FAM227B: variants seen among roughly 807,000 people sequenced by gnomAD.
FAM227B encodes the protein protein FAM227B.
A neutral mutation model predicts 73.8 loss-of-function variants in FAM227B; 88 were observed. The ratio of observed to expected loss-of-function variants is 1.19; its 90% confidence interval spans 1.00 to 1.42. The LOEUF is 1.42. Ranked by LOEUF, FAM227B falls within the 40% of genes most tolerant of loss-of-function variation. The pLI is 0.00. For synonymous variants in FAM227B, 210 were observed against 190.5 expected, an observed-to-expected ratio of 1.10 and a Z score of -0.84; for missense variants, 632 against 590.9, an observed-to-expected ratio of 1.07 and a Z score of -0.72.
chr15:49,345,049 G>A (rs933207890), intron 13 of FAM227B, among the ~76,000 whole-genome samples: 1 of 152,152 alleles, frequency 6.6e-6, no homozygotes, highest in Non-Finnish European at 1.5e-5. Flanking sequence ...CTTCCTCAGA[G>A]TGCCTGTTAG....
intron 14 of FAM227B, among the ~76,000 whole-genome samples, chr15:49,332,570 A>AGGAT (rs1189043993): frequency 6.6e-6 from 1 of 152,220 alleles, no homozygotes; most frequent in African/African-American, 2.4e-5. Flanking sequence ...TAGGCAAGGA[A>AGGAT]GGATAGAAAC....
intron 9 of FAM227B, among the ~76,000 whole-genome samples, chr15:49,548,121 T>C (rs941883339): frequency 6.6e-6 from 1 of 152,174 alleles, no homozygotes; most frequent in African/African-American, 2.4e-5. Context: ...AACTTTCAGT[T>C]TTTCCCCATT....
chr15:49,401,242 A>G (rs1276694753), intron 11 of FAM227B, among the ~76,000 whole-genome samples: 4 of 152,282 alleles, frequency 2.6e-5, no homozygotes, highest in African/African-American at 7.2e-5. Context: ...CAAAAAACAC[A>G]TGAAAAAATG....
chr15:49,464,796 A>C (rs1449138416), intron 11 of FAM227B, among the ~76,000 whole-genome samples: 1 of 152,342 alleles, frequency 6.6e-6, no homozygotes, highest in Middle Eastern at 3.4e-3. Flanking sequence ...GTGCATCTAC[A>C]TCTGGAAGAC....
chr15:49,460,772 T>C (rs896882579), intron 11 of FAM227B, among the ~76,000 whole-genome samples: 1 of 152,218 alleles, frequency 6.6e-6, no homozygotes, highest in Non-Finnish European at 1.5e-5. Context: ...TTTGGCAATA[T>C]GATTTTCTGT....
intron 11 of FAM227B, among the ~76,000 whole-genome samples, chr15:49,452,197 A>G (rs2052819309): frequency 6.6e-6 from 1 of 152,058 alleles, no homozygotes; most frequent in Non-Finnish European, 1.5e-5. Flanking sequence ...GCATGCTACC[A>G]TGCCCAGCTA....
At chr15:49,504,902 T>A (rs1488668596) in intron 11 of FAM227B, among the ~76,000 whole-genome samples, 1 of 152,172 alleles carries the variant, frequency 6.6e-6, no homozygotes, top group African/African-American at 2.4e-5. Flanking sequence ...TAGATGTTTA[T>A]CAAAGAGAAA....
chr15:49,354,892 T>G (rs1254909525), intron 13 of FAM227B, among the ~76,000 whole-genome samples: 2 of 152,070 alleles, frequency 1.3e-5, no homozygotes, highest in Admixed American at 6.5e-5. Context: ...GCTGGAGATC[T>G]GAGAACGGGC....
chr15:49,490,774 G>C (rs982461075), intron 11 of FAM227B, among the ~76,000 whole-genome samples: 2 of 151,820 alleles, frequency 1.3e-5, no homozygotes, highest in African/African-American at 2.4e-5. Flanking sequence ...TTCTCCACTT[G>C]ACTGAAATTT....
chr15:49,418,802 AAT>A (rs2049394888), intron 11 of FAM227B, among the ~76,000 whole-genome samples: 1 of 152,174 alleles, frequency 6.6e-6, no homozygotes, highest in Non-Finnish European at 1.5e-5. Flanking sequence ...AAAAAAAAGA[AAT>A]ATGTGTTGGA....
chr15:49,604,583 A>G (rs1265602293), intron 3 of FAM227B, among the ~76,000 whole-genome samples: 1 of 151,630 alleles, frequency 6.6e-6, no homozygotes, highest in Non-Finnish European at 1.5e-5. Context: ...CCTGCTGTTT[A>G]TTTTGCTCTC....
chr15:49,449,995 C>T (rs1191985107), intron 11 of FAM227B, among the ~76,000 whole-genome samples: 9 of 152,122 alleles, frequency 5.9e-5, no homozygotes, highest in Admixed American at 1.3e-4. Context: ...GACTGTGATG[C>T]GCCATTCATA....
intron 10 of FAM227B, among the ~76,000 whole-genome samples, chr15:49,535,589 A>G (rs1398648390): frequency 6.6e-6 from 1 of 151,882 alleles, no homozygotes; most frequent in Non-Finnish European, 1.5e-5. Context: ...TCACCTTCGT[A>G]CTGAAACCAG....
chr15:49,445,561 G>T (rs930953509), intron 11 of FAM227B, among the ~76,000 whole-genome samples: 2 of 151,400 alleles, frequency 1.3e-5, no homozygotes, highest in African/African-American at 4.8e-5. Flanking sequence ...TCAGATAAAT[G>T]TCTAGATCAC....
At chr15:49,413,357 C>A (rs1182302376) in intron 11 of FAM227B, among the ~76,000 whole-genome samples, 1 of 152,086 alleles carries the variant, frequency 6.6e-6, no homozygotes, top group Non-Finnish European at 1.5e-5. Context: ...ACCTGACATG[C>A]TCCTCCTTGT....
At chr15:49,598,921 C>T (rs541591078) in intron 3 of FAM227B, among the ~76,000 whole-genome samples, 2 of 152,056 alleles carry the variant, frequency 1.3e-5, no homozygotes, top group South Asian at 2.1e-4. Flanking sequence ...CTTCTCTTGT[C>T]GTGTCCTTGT....
At chr15:49,563,826 T>C (rs1374430403) in intron 9 of FAM227B, among the ~76,000 whole-genome samples, 1 of 152,184 alleles carries the variant, frequency 6.6e-6, no homozygotes, top group African/African-American at 2.4e-5. Flanking sequence ...TATCACCATA[T>C]ACAAAGATTG....
intron 11 of FAM227B, among the ~76,000 whole-genome samples, chr15:49,426,875 A>G (rs949071037): frequency 6.6e-6 from 1 of 151,984 alleles, no homozygotes; most frequent in Non-Finnish European, 1.5e-5. Flanking sequence ...GATATCGTTA[A>G]TTATCCTGGA....
chr15:49,367,154 G>T (rs906665474), intron 13 of FAM227B, among the ~76,000 whole-genome samples: 9 of 152,142 alleles, frequency 5.9e-5, no homozygotes, highest in Non-Finnish European at 1.0e-4. Flanking sequence ...ACCAGTCACT[G>T]AACAGTAAAG....
Sources: gnomAD v4.1 joint callset for allele counts (sites outside exome capture counted in the v4.1 genomes callset) on GRCh38, gnomAD v4.1.1 for gene constraint, MANE v1.5 for transcripts, NCBI Gene and HGNC (gene_info 2026-07-23, HGNC 2026-07-21) for gene names.